The following PDE1C variants were observed in gnomAD, a reference collection of about 807,000 sequenced individuals.
PDE1C encodes phosphodiesterase 1C, also known as dual specificity calcium/calmodulin-dependent 3',5'-cyclic nucleotide phosphodiesterase 1C.
In PDE1C, 62 loss-of-function variants were observed where a neutral mutation model predicts 93.1. The ratio of observed to expected loss-of-function variants is 0.67; its 90% CI spans 0.54 to 0.82. The LOEUF is 0.82. Ranked by LOEUF, PDE1C falls within the 40% of genes least tolerant of loss-of-function variation. The pLI, the probability that PDE1C is intolerant of heterozygous loss-of-function variation, is 0.00. For missense variants in PDE1C, 742 were observed against 884.6 expected (o/e 0.84, Z 2.04); for synonymous variants, 325 against 310.1 (o/e 1.05, Z -0.50).
chr7:32,066,268 A>G (rs183520359), intron 1 of PDE1C, among the ~76,000 whole-genome samples: 6 of 152,280 alleles, frequency 3.9e-5, no homozygotes. Context: ...GTCTGTTAGC[A>G]TAGTAAGGTG....
intron 1 of PDE1C, among the ~76,000 whole-genome samples, chr7:32,382,839 G>A (rs769747803): frequency 2.6e-5 from 4 of 152,298 alleles, no homozygotes; most frequent in Admixed American, 6.5e-5. Flanking sequence ...TCCGACACCC[G>A]TGTCGTCTCC....
intron 12 of PDE1C, 115 bp downstream of exon 12, chr7:31,828,177 A>G: frequency 1.4e-6 from 1 of 723,522 alleles, no homozygotes; most frequent in Non-Finnish European, 2.4e-6. Flanking sequence ...AGCCATGAGC[A>G]CAACATGGCA....
chr7:32,227,641 G>A lies in PDE1C; in HGVS notation c.86-18102C>T, dbSNP rs372120029. ...CCTCTAAGATGGCTCCCAATAAGCC[G>A]CCTGCTAGAATCCAAACCCTATGTG... On this transcript the variant is annotated intron_variant, in intron 1 of 18. Coordinates refer to the PDE1C transcript ENST00000396193. 2.4e-4 allele frequency among the ~76,000 whole-genome samples: 36 copies of A among 152,276 alleles called. 1 individual carries two copies. In the East Asian group the frequency reaches 2.9e-3, roughly 12 times the overall value.
chr7:32,145,225 G>C (rs956109259), intron 3 of PDE1C, among the ~76,000 whole-genome samples: 1 of 152,196 alleles, frequency 6.6e-6, no homozygotes, highest in Non-Finnish European at 1.5e-5. Flanking sequence ...GGTAGGAAGG[G>C]AGAGGAACGA....
chr7:32,172,634 C>T (rs1357214638), intron 2 of PDE1C, among the ~76,000 whole-genome samples: 1 of 151,954 alleles, frequency 6.6e-6, no homozygotes, highest in Non-Finnish European at 1.5e-5. Flanking sequence ...ACCAGCCTGA[C>T]CAACATGGAG....
intron 2 of PDE1C, among the ~76,000 whole-genome samples, chr7:31,894,008 G>T (rs1798963005): frequency 6.6e-6 from 1 of 152,146 alleles, no homozygotes; most frequent in Admixed American, 6.5e-5. Flanking sequence ...TTCTATCATT[G>T]TGTGTAAAAA....
At chr7:31,723,797 T>C in the PDE1C span, among the ~76,000 whole-genome samples, 1 of 152,294 alleles carries the variant, frequency 6.6e-6, no homozygotes, top group South Asian at 2.1e-4. Context: ...CACTTTTCTT[T>C]AGTTAATTCT....
At chr7:31,898,846 A>C (rs535898142) in intron 2 of PDE1C, among the ~76,000 whole-genome samples, 1 of 152,142 alleles carries the variant, frequency 6.6e-6, no homozygotes, top group South Asian at 2.1e-4. Flanking sequence ...TTTTTGTCTC[A>C]TTTTTGTAAT....
chr7:32,132,522 C>A (rs56376671), intron 3 of PDE1C, among the ~76,000 whole-genome samples: 1 of 151,832 alleles, frequency 6.6e-6, no homozygotes, highest in Non-Finnish European at 1.5e-5. Context: ...AAAAATTAGC[C>A]GGGTGTGGTG....
intron 2 of PDE1C, among the ~76,000 whole-genome samples, chr7:31,967,277 TA>T (rs1162058302): frequency 2.0e-5 from 3 of 152,144 alleles, no homozygotes; most frequent in Non-Finnish European, 4.4e-5. Flanking sequence ...ATAAAGGGGA[TA>T]TCACCACCAA....
the PDE1C span, chr7:31,652,463 G>A: frequency 1.3e-6 from 2 of 1,518,650 alleles, no homozygotes; most frequent in Non-Finnish European, 1.8e-6. Flanking sequence ...TGAGTAAGCT[G>A]TTTGGTGCCA....
At chr7:32,390,968 TAAG>T (rs1432922340) in intron 1 of PDE1C, among the ~76,000 whole-genome samples, 3 of 151,936 alleles carry the variant, frequency 2.0e-5, no homozygotes, top group African/African-American at 4.8e-5. Context: ...AAGAGGAACA[TAAG>T]AACAAAAAAG....
intron 3 of PDE1C, among the ~76,000 whole-genome samples, chr7:32,085,827 T>C (rs2128741335): frequency 6.7e-6 from 1 of 150,332 alleles, no homozygotes; most frequent in Middle Eastern, 3.4e-3. Flanking sequence ...AAACTCTCAA[T>C]AAATTAGGTA....
At chr7:32,282,126 G>A (rs1354820671) in intron 1 of PDE1C, among the ~76,000 whole-genome samples, 1 of 150,146 alleles carries the variant, frequency 6.7e-6, no homozygotes, top group Non-Finnish European at 1.5e-5. Context: ...ACTGCACGTT[G>A]TGCACATGTA....
chr7:32,205,855 TA>T (rs1490951484), intron 2 of PDE1C, among the ~76,000 whole-genome samples: 1 of 152,074 alleles, frequency 6.6e-6, no homozygotes, highest in Non-Finnish European at 1.5e-5. Flanking sequence ...CTGGAGTCAT[TA>T]AGATCGTGAA....
intron 1 of PDE1C, among the ~76,000 whole-genome samples, chr7:32,425,116 TATTAC>T (rs1785502638): frequency 2.0e-5 from 3 of 151,320 alleles, no homozygotes; most frequent in African/African-American, 7.3e-5. Flanking sequence ...CATTATATTA[TATTAC>T]ATATATATAT....
intron 16 of PDE1C, among the ~76,000 whole-genome samples, chr7:31,792,475 A>T (rs1784698201): frequency 6.6e-6 from 1 of 152,166 alleles, no homozygotes; most frequent in Non-Finnish European, 1.5e-5. Flanking sequence ...TGAAACAAAA[A>T]TTTAAAAGAA....
intron 3 of PDE1C, among the ~76,000 whole-genome samples, chr7:32,128,927 A>C (rs1449751167): frequency 1.0e-5 from 1 of 99,732 alleles, no homozygotes; most frequent in East Asian, 2.6e-4. Context: ...ATATATATAT[A>C]TATATATATA....
intron 1 of PDE1C, among the ~76,000 whole-genome samples, chr7:32,365,339 C>A (rs776063168): frequency 6.6e-6 from 1 of 152,168 alleles, no homozygotes; most frequent in Non-Finnish European, 1.5e-5. Context: ...AGCAGACATG[C>A]ACCTGTGCCA....
Sources: allele counts gnomAD v4.1 joint callset (sites outside exome capture counted in the v4.1 genomes callset), GRCh38; gene constraint gnomAD v4.1.1; transcripts MANE v1.5; gene names NCBI Gene and HGNC (gene_info 2026-07-23, HGNC 2026-07-21).